UHRF2: variants seen among roughly 807,000 people sequenced by gnomAD.
UHRF2 encodes ubiquitin like with PHD and ring finger domains 2, also known as E3 ubiquitin-protein ligase UHRF2.
Under a neutral mutation model 96.8 loss-of-function variants are expected in UHRF2, and 23 were observed. The ratio of observed to expected loss-of-function variants is 0.24; its 90% CI spans 0.17 to 0.34. The LOEUF (loss-of-function observed/expected upper bound fraction) is 0.34. Ranked by LOEUF, UHRF2 falls within the 10% of genes least tolerant of loss-of-function variation. UHRF2 has a pLI of 1.00. For missense variants in UHRF2, 685 were observed against 981.5 expected (o/e 0.70, Z 4.04); for synonymous variants, 385 against 332.6 (o/e 1.16, Z -1.72).
At chr9:6,484,094 A>T (rs1359946563) in intron 8 of UHRF2, among the ~76,000 whole-genome samples, 3 of 145,540 alleles carry the variant, frequency 2.1e-5, no homozygotes, top group African/African-American at 7.7e-5. Flanking sequence ...TTTTTAAGAG[A>T]CAGGGTCTTG....
At chr9:6,451,209 T>G (rs1201958582) in intron 3 of UHRF2, among the ~76,000 whole-genome samples, 1 of 152,192 alleles carries the variant, frequency 6.6e-6, no homozygotes, top group Non-Finnish European at 1.5e-5. Flanking sequence ...AAATATATCA[T>G]TTGGGCTGTC....
intron 4 of UHRF2, among the ~76,000 whole-genome samples, chr9:6,469,171 T>A (rs1252220294): frequency 6.6e-6 from 1 of 152,158 alleles, no homozygotes; most frequent in East Asian, 1.9e-4. Flanking sequence ...AATAATTATA[T>A]GGAGATTCTA....
At chr9:6,446,324 G>T (rs1821501038) in intron 3 of UHRF2, among the ~76,000 whole-genome samples, 1 of 151,850 alleles carries the variant, frequency 6.6e-6, no homozygotes, top group African/African-American at 2.4e-5. Context: ...CTAATTTTTA[G>T]TAGAGACAGG....
At chr9:6,428,788 G>C (rs2130750846) in intron 2 of UHRF2, among the ~76,000 whole-genome samples, 1 of 152,052 alleles carries the variant, frequency 6.6e-6, no homozygotes, top group Admixed American at 6.5e-5. Context: ...GGTTCAAACA[G>C]TCCTCCTGCC....
At chr9:6,488,937 C>T (rs557906802) in intron 9 of UHRF2, among the ~76,000 whole-genome samples, 11 of 152,072 alleles carry the variant, frequency 7.2e-5, no homozygotes, top group African/African-American at 2.2e-4. Context: ...TGCAGCTTTC[C>T]GAGTAGCTGG....
chr9:6,477,474 C>G (rs933312702), intron 5 of UHRF2, 148 bp from the exon 6 acceptor site: 8 of 634,116 alleles, frequency 1.3e-5, no homozygotes, highest in Admixed American at 7.0e-5. Context: ...TGCAGTGAGC[C>G]AAGATCACGC....
chr9:6,417,315 A>G (rs1239821995), intron 1 of UHRF2, among the ~76,000 whole-genome samples: 1 of 152,198 alleles, frequency 6.6e-6, no homozygotes, highest in African/African-American at 2.4e-5. Flanking sequence ...AGTATTGTAA[A>G]TACTGCATCT....
intron 8 of UHRF2, 73 bp from the exon 9 acceptor site, chr9:6,486,748 T>C (rs1282116551): frequency 3.5e-6 from 5 of 1,440,286 alleles, no homozygotes; most frequent in Non-Finnish European, 4.8e-6. Flanking sequence ...ACCAAGAATA[T>C]ATATGAAAGC....
At chr9:6,441,073 C>T (rs1332348406) in intron 3 of UHRF2, among the ~76,000 whole-genome samples, 1 of 152,150 alleles carries the variant, frequency 6.6e-6, no homozygotes, top group Non-Finnish European at 1.5e-5. Flanking sequence ...AGCATCAGCA[C>T]CACGTGTTAG....
At chr9:6,465,946 T>C (rs1291658451) in intron 4 of UHRF2, among the ~76,000 whole-genome samples, 1 of 152,210 alleles carries the variant, frequency 6.6e-6, no homozygotes, top group Admixed American at 6.5e-5. Context: ...TTGAAAAAAA[T>C]TGAAAACAAG....
At position 6,481,979 on chromosome 9, in the gene UHRF2, T is replaced by C; in HGVS notation, c.1285-13T>C. 3.1e-6 allele frequency: 5 copies of C among 1,609,322 alleles called. No homozygotes were observed. Among genetic ancestry groups the C allele is most frequent in the Non-Finnish European group, 4.2e-6 (5 of 1,178,370 alleles). ...CATAACTGATTTCTCAACGTTTGTT[T>C]TGCGTCTTGTAGGGAATGGCTTGTG... On this transcript the variant is annotated splice_polypyrimidine_tract_variant and intron_variant, in intron 7 of 15. Transcript: ENST00000276893.
At chr9:6,430,812 C>G (rs1820524044) in intron 2 of UHRF2, among the ~76,000 whole-genome samples, 1 of 152,182 alleles carries the variant, frequency 6.6e-6, no homozygotes, top group Admixed American at 6.5e-5. Context: ...TGCCTCCTGA[C>G]CAAACCTAGT....
rs772184475 is a variant in UHRF2 at position 6,445,998 on chromosome 9, T to TTTTTTTTTTTTC, written c.644+11827_644+11828insTTTTTTTTTCTT. On this transcript the variant is annotated intron_variant, in intron 3 of 15. Coordinates refer to ENST00000276893, the MANE Select transcript of UHRF2 (RefSeq NM_152896.3). ...CCGCCACCCTTTTTTTTTTTTTTTT[T>TTTTTTTTTTTTC]TTCCTGTTTTTGAGATAGAGTCTCA... Among the ~76,000 whole-genome samples the TTTTTTTTTTTTC allele has an allele frequency of 1.4e-3, 182 of 129,884 alleles. 5 individuals carry two copies. The highest frequency in any genetic ancestry group is 2.6e-3 in the East Asian group (10 of 3,856). The allele number at this position is 129,884 out of a possible 152,430, so 85.2% of individuals were successfully genotyped here.
chr9:6,437,918 A>G (rs146121976), intron 3 of UHRF2, among the ~76,000 whole-genome samples: 16 of 152,254 alleles, frequency 1.1e-4, no homozygotes, highest in African/African-American at 3.4e-4. Context: ...GGCTAGTTTC[A>G]TTAGAAGTAA....
chr9:6,493,481 G>C (rs976339082), intron 9 of UHRF2, among the ~76,000 whole-genome samples: 3 of 152,120 alleles, frequency 2.0e-5, no homozygotes, highest in African/African-American at 7.2e-5. Flanking sequence ...AGCTAGTATT[G>C]ATAAGTTTTA....
intron 3 of UHRF2, among the ~76,000 whole-genome samples, chr9:6,447,754 T>G (rs1821604381): frequency 6.6e-6 from 1 of 151,310 alleles, no homozygotes; most frequent in Admixed American, 6.6e-5. Context: ...GCAACAAAAT[T>G]TTGGAAGGCA....
At chr9:6,481,947 A>C (rs1330890000) in intron 7 of UHRF2, 45 bp from the exon 8 acceptor site, 2 of 1,597,334 alleles carry the variant, frequency 1.3e-6, no homozygotes, top group Non-Finnish European at 1.7e-6. Flanking sequence ...CTTTCATTAA[A>C]ATTTAACATA....
chr9:6,462,245 C>G (rs1376272770), intron 4 of UHRF2, among the ~76,000 whole-genome samples: 1 of 151,532 alleles, frequency 6.6e-6, no homozygotes, highest in African/African-American at 2.4e-5. Flanking sequence ...ATAATTGCAA[C>G]TGAGACCATC....
intron 3 of UHRF2, among the ~76,000 whole-genome samples, chr9:6,442,379 T>C (rs1821220480): frequency 6.6e-6 from 1 of 152,246 alleles, no homozygotes; most frequent in Admixed American, 6.5e-5. Context: ...AGCAGCTCAG[T>C]CTCTGGTCAT....
Sources: allele counts gnomAD v4.1 joint callset (sites outside exome capture counted in the v4.1 genomes callset), GRCh38; gene constraint gnomAD v4.1.1; transcripts MANE v1.5; gene names NCBI Gene and HGNC (gene_info 2026-07-23, HGNC 2026-07-21).